The following EXOC4 variants were observed in gnomAD, a reference collection of about 807,000 sequenced individuals.
EXOC4 encodes exocyst complex component 4, also known as SEC8-like 1.
A neutral mutation model predicts 107.2 loss-of-function variants in EXOC4; 71 were observed. The ratio of observed to expected loss-of-function variants is 0.66; its 90% CI spans 0.55 to 0.81. The LOEUF (loss-of-function observed/expected upper bound fraction) is 0.81, where lower values mean the gene tolerates loss of function less well. EXOC4 is among the 30% of genes least tolerant of loss of function. The pLI is 0.00. For synonymous variants in EXOC4, 456 were observed against 441.2 expected, an observed-to-expected ratio of 1.03 and a Z score of -0.42; for missense variants, 1,108 against 1,189.6, an observed-to-expected ratio of 0.93 and a Z score of 1.01.
At chr7:133,636,703 T>G (rs1014282) in intron 10 of EXOC4, among the ~76,000 whole-genome samples, 2 of 152,156 alleles carry the variant, frequency 1.3e-5, no homozygotes, top group African/African-American at 2.4e-5. Context: ...ATCTGGGCTA[T>G]GAGCATTTTT....
At chr7:133,310,716 ACTC>A (rs1045043051) in intron 4 of EXOC4, among the ~76,000 whole-genome samples, 3 of 151,750 alleles carry the variant, frequency 2.0e-5, no homozygotes, top group Non-Finnish European at 2.9e-5. Context: ...TGGATTTTAA[ACTC>A]CTCTGTAAAT....
intron 9 of EXOC4, among the ~76,000 whole-genome samples, chr7:133,624,765 G>A (rs569731695): frequency 7.2e-5 from 11 of 151,986 alleles, no homozygotes; most frequent in African/African-American, 1.9e-4. Context: ...GCTAATTTTT[G>A]TATTTTTAGT....
At chr7:133,829,877 T>C (rs1174279578) in intron 11 of EXOC4, among the ~76,000 whole-genome samples, 1 of 152,208 alleles carries the variant, frequency 6.6e-6, no homozygotes, top group Non-Finnish European at 1.5e-5. Context: ...TCTATGTCAT[T>C]ATGTCCTTTT....
At chr7:134,016,289 A>T (rs187486060) in intron 17 of EXOC4, among the ~76,000 whole-genome samples, 126 of 152,302 alleles carry the variant, frequency 8.3e-4, no homozygotes, top group South Asian at 2.5e-3. Flanking sequence ...GAGCTATTTA[A>T]AACCATTAAC....
In EXOC4 at chr7:133,518,218, A is replaced by G. The variant is rs538470924; in HGVS notation, c.1417+38080A>G. On this transcript the variant is annotated intron_variant, in intron 9 of 17. Transcript: ENST00000253861. ...GTGGAGAAATCGGCCGTATTTTTTG[A>G]TGGGAGGTCCTGCAAAGTCAAAGTC... 4.6e-5 allele frequency among the ~76,000 whole-genome samples: 7 copies of G among 151,982 alleles called. No individual in the cohort carries two copies. In the East Asian group the frequency reaches 1.4e-3, roughly 29 times the overall value.
At chr7:133,735,300 G>A (rs1020033766) in intron 10 of EXOC4, among the ~76,000 whole-genome samples, 19 of 133,810 alleles carry the variant, frequency 1.4e-4, no homozygotes, top group African/African-American at 4.1e-4. Context: ...TAATGTACAT[G>A]TTGAAACATC....
intron 1 of EXOC4, among the ~76,000 whole-genome samples, chr7:133,258,521 G>GT (rs1259834383): frequency 6.6e-6 from 1 of 152,080 alleles, no homozygotes; most frequent in Non-Finnish European, 1.5e-5. Flanking sequence ...TACAATCTGT[G>GT]TTTTTTTGGA....
intron 9 of EXOC4, among the ~76,000 whole-genome samples, chr7:133,497,633 G>A (rs1174774295): frequency 6.6e-6 from 1 of 152,060 alleles, no homozygotes; most frequent in African/African-American, 2.4e-5. Context: ...GTTTCACCAT[G>A]CTGGCCAGGC....
At chr7:133,717,620 C>T (rs907865155) in intron 10 of EXOC4, among the ~76,000 whole-genome samples, 1 of 152,110 alleles carries the variant, frequency 6.6e-6, no homozygotes, top group African/African-American at 2.4e-5. Flanking sequence ...ATTAGATGTG[C>T]ATATGTAAAT....
the EXOC4 span, among the ~76,000 whole-genome samples, chr7:134,076,504 C>T: frequency 1.3e-5 from 2 of 151,496 alleles, no homozygotes; most frequent in South Asian, 2.1e-4. Flanking sequence ...GGGAACAGAG[C>T]GAGACTCTGT....
At chr7:133,713,816 C>T (rs777964672) in intron 10 of EXOC4, among the ~76,000 whole-genome samples, 3 of 152,106 alleles carry the variant, frequency 2.0e-5, no homozygotes, top group African/African-American at 4.8e-5. Flanking sequence ...CACCTTCTGC[C>T]GTGACTGTAA....
intron 12 of EXOC4, among the ~76,000 whole-genome samples, chr7:133,909,271 C>T (rs528394160): frequency 4.6e-5 from 7 of 152,124 alleles, no homozygotes; most frequent in South Asian, 2.1e-4. Context: ...TCCTTGCTTT[C>T]GTGGATTTTA....
intron 10 of EXOC4, among the ~76,000 whole-genome samples, chr7:133,750,371 C>T (rs553173026): frequency 6.6e-6 from 1 of 152,054 alleles, no homozygotes; most frequent in Non-Finnish European, 1.5e-5. Flanking sequence ...CTTAATAGGT[C>T]TTACACTCTT....
intron 14 of EXOC4, among the ~76,000 whole-genome samples, chr7:133,972,306 A>G (rs568075676): frequency 6.6e-6 from 1 of 152,248 alleles, no homozygotes; most frequent in South Asian, 2.1e-4. Context: ...AATACCCCTC[A>G]TGTAAATGAT....
At chr7:133,540,695 C>G (rs1800363378) in intron 9 of EXOC4, among the ~76,000 whole-genome samples, 1 of 152,122 alleles carries the variant, frequency 6.6e-6, no homozygotes. Flanking sequence ...CTGAAAAATT[C>G]CTGCCAGCAG....
chr7:133,469,137 G>C (rs1354421008), intron 7 of EXOC4, among the ~76,000 whole-genome samples: 1 of 152,180 alleles, frequency 6.6e-6, no homozygotes, highest in Non-Finnish European at 1.5e-5. Context: ...GAAAATTGGG[G>C]CAGGACGCAG....
intron 5 of EXOC4, among the ~76,000 whole-genome samples, chr7:133,325,623 T>C (rs1308729324): frequency 6.6e-6 from 1 of 152,204 alleles, no homozygotes; most frequent in Non-Finnish European, 1.5e-5. Flanking sequence ...ACCCGACCTT[T>C]CTCTCTGGCT....
intron 11 of EXOC4, among the ~76,000 whole-genome samples, chr7:133,835,341 C>A (rs1302460358): frequency 6.6e-6 from 1 of 152,098 alleles, no homozygotes; most frequent in Non-Finnish European, 1.5e-5. Flanking sequence ...CGGGGTGCAG[C>A]CTTGTTTTAT....
chr7:133,879,297 G>T (rs1430168876), intron 11 of EXOC4, among the ~76,000 whole-genome samples: 1 of 151,954 alleles, frequency 6.6e-6, no homozygotes, highest in Non-Finnish European at 1.5e-5. Flanking sequence ...GTCTTGCCAT[G>T]TTGCCTAGGC....
Sources: allele counts gnomAD v4.1 joint callset (sites outside exome capture counted in the v4.1 genomes callset), GRCh38; gene constraint gnomAD v4.1.1; transcripts MANE v1.5; gene names NCBI Gene and HGNC (gene_info 2026-07-23, HGNC 2026-07-21).